The following PARP8 variants were observed in gnomAD, a reference collection of about 807,000 sequenced individuals.
PARP8 encodes protein mono-ADP-ribosyltransferase PARP8.
PARP8 carries 51 observed loss-of-function variants against 124.1 expected under a neutral mutation model. The observed-to-expected ratio is 0.41, with a 90% CI of 0.33 to 0.52. The LOEUF is 0.52. PARP8 is among the 20% of genes least tolerant of loss of function. PARP8 has a pLI of 0.21. For synonymous variants in PARP8, 391 were observed against 361.5 expected, an observed-to-expected ratio of 1.08 and a Z score of -0.93; for missense variants, 860 against 1,018.9, an observed-to-expected ratio of 0.84 and a Z score of 2.12.
intron 15 of PARP8, among the ~76,000 whole-genome samples, chr5:50,818,148 C>T (rs1745311430): frequency 6.7e-6 from 1 of 149,984 alleles, no homozygotes; most frequent in South Asian, 2.1e-4. Context: ...AATTTTAAAT[C>T]GTTGGGAGTG....
chr5:50,744,475 G>A (rs558451621), intron 2 of PARP8, among the ~76,000 whole-genome samples: 233 of 152,296 alleles, frequency 1.5e-3, no homozygotes, highest in African/African-American at 5.4e-3. Context: ...ATTGGGAGAT[G>A]TCTTTGGTTG....
chr5:50,705,678 G>A (rs1386882887), intron 2 of PARP8, among the ~76,000 whole-genome samples: 1 of 151,956 alleles, frequency 6.6e-6, no homozygotes, highest in Non-Finnish European at 1.5e-5. Flanking sequence ...CCAGCTACTC[G>A]GGAGGCTGAG....
In PARP8 at chr5:50,845,158, A is replaced by G. The variant is rs1748521745; in HGVS notation, c.*3090A>G. 1 of 151,702 alleles carries G rather than the reference A, an allele frequency of 6.6e-6. No individual in the cohort carries two copies. The highest frequency in any genetic ancestry group is 6.6e-5 in the Admixed American group (1 of 15,192). The allele number at this position is 151,702 out of a possible 1,614,324, so 9.4% of individuals were successfully genotyped here. A position where few individuals can be genotyped will look rare whatever the true frequency, so the allele number is the denominator to read the frequency against. On this transcript the variant is annotated 3_prime_UTR_variant, in exon 26 of 26. Transcript: ENST00000281631. ...TCCTTCATTTTTCTCCCCTTTGCTAAAAGAAAGAAAATCTATAATATGTAA... is the reference window on the plus strand; with the variant it reads ...TCCTTCATTTTTCTCCCCTTTGCTAGAAGAAAGAAAATCTATAATATGTAA...
rs1195286004 is a variant in PARP8 at position 50,824,986 on chromosome 5, C to T, written c.1928+11C>T. On this transcript the variant is annotated intron_variant, in intron 18 of 25. Transcript: ENST00000281631. ...TCCCTTACTGCAATGGTATAAAATT[C>T]TAGTTTTCCTCTTAATGAAAACAGC... 1 of 1,599,532 alleles carries T rather than the reference C, an allele frequency of 6.3e-7. No homozygotes were observed. The highest frequency in any genetic ancestry group is 8.6e-7 in the Non-Finnish European group (1 of 1,168,568).
Position 50,794,977 on chromosome 5 carries a change from G to A in PARP8, c.988G>A (p.Asp330Asn), listed in dbSNP as rs766646570. 4.3e-6 allele frequency: 7 copies of A among 1,614,194 alleles called. No homozygotes were observed. Among genetic ancestry groups the A allele is most frequent in the Non-Finnish European group, 4.2e-6 (5 of 1,180,026 alleles). Reference protein sequence around the residue: ...RTCSSTVKTDDVCVTKSHRTF... With the variant: ...RTCSSTVKTDNVCVTKSHRTF... ...TTGTTCCAGCACAGTCAAGACTGAT[G>A]ATGTGTGTGTCACAAAGTCACACAG... Residue 330 changes from aspartate (D) to asparagine (N), a missense_variant, in exon 12 of 26, where the codon GAT becomes AAT. Coordinates refer to ENST00000281631, the MANE Select transcript of PARP8 (RefSeq NM_024615.4).
chr5:50,788,805 A>G (rs1283269607), intron 10 of PARP8, among the ~76,000 whole-genome samples: 3 of 152,144 alleles, frequency 2.0e-5, no homozygotes, highest in Non-Finnish European at 2.9e-5. Context: ...TTGCTATCCA[A>G]GATCCACTCT....
chr5:50,772,071 A>G (rs1332752928), intron 7 of PARP8, among the ~76,000 whole-genome samples: 1 of 152,114 alleles, frequency 6.6e-6, no homozygotes, highest in East Asian at 1.9e-4. Flanking sequence ...AGCTTTTTTT[A>G]GATTCTGCAA....
intron 9 of PARP8, among the ~76,000 whole-genome samples, chr5:50,783,539 A>G (rs75855031): frequency 0.044 from 6,657 of 152,232 alleles, 464 homozygotes; most frequent in African/African-American, 0.15. Flanking sequence ...CTGTTGCTCT[A>G]TGTACACTAA....
Position 50,667,157 on chromosome 5 carries a change from C to G in PARP8, c.62C>G (p.Ser21Cys). Reference sequence around the variant, plus strand: ...GATATCGACGTCGTGATCCAGAAGTCCAGAGCTGAGAAGGACTGCCTGTTT... The same window carrying G: ...GATATCGACGTCGTGATCCAGAAGTGCAGAGCTGAGAAGGACTGCCTGTTT... ...QKDIDVVIQKSRAEKDCLFAD... is the reference protein window; with the variant it reads ...QKDIDVVIQKCRAEKDCLFAD... The change falls in exon 1 of 26, where the codon TCC (serine) becomes TGC (cysteine). Residue 21 changes from serine to cysteine, a missense_variant. This residue lies in a region of PARP8 where 517 missense variants were observed against 544.2 expected (regional missense o/e 0.95). Coordinates refer to ENST00000281631, the MANE Select transcript of PARP8 (RefSeq NM_024615.4). The G allele has an allele frequency of 1.3e-6, 2 of 1,596,378 alleles. No individual in the cohort carries two copies. Among genetic ancestry groups the G allele is most frequent in the East Asian group, 2.2e-5 (1 of 44,862 alleles).
At chr5:50,819,621 A>T (rs1005099510) in intron 15 of PARP8, among the ~76,000 whole-genome samples, 8 of 151,382 alleles carry the variant, frequency 5.3e-5, no homozygotes, top group Non-Finnish European at 1.0e-4. Context: ...TTGTATTTTT[A>T]GTAGAGACGG....
intron 25 of PARP8, among the ~76,000 whole-genome samples, chr5:50,839,110 G>A (rs913933650): frequency 2.0e-5 from 3 of 151,896 alleles, no homozygotes; most frequent in Admixed American, 6.6e-5. Context: ...TTTTATTTAT[G>A]AAATGTTCTT....
At chr5:50,700,508 A>G (rs866149649) in intron 2 of PARP8, among the ~76,000 whole-genome samples, 1 of 152,224 alleles carries the variant, frequency 6.6e-6, no homozygotes, top group African/African-American at 2.4e-5. Context: ...TATATTATCA[A>G]TATAATGAAA....
chr5:50,768,902 G>A (rs1761316232), intron 7 of PARP8, among the ~76,000 whole-genome samples: 3 of 152,056 alleles, frequency 2.0e-5, no homozygotes, highest in African/African-American at 4.8e-5. Context: ...TATACACAGC[G>A]TCATTTGTGA....
At chr5:50,753,981 A>T (rs2149559979) in intron 3 of PARP8, among the ~76,000 whole-genome samples, 1 of 150,786 alleles carries the variant, frequency 6.6e-6, no homozygotes, top group East Asian at 2.0e-4. Context: ...AACAGCCTTA[A>T]CAAAGATCTG....
chr5:50,668,286 G>C (rs1343369556), intron 2 of PARP8, 161 bp downstream of exon 2: 7 of 661,196 alleles, frequency 1.1e-5, no homozygotes, highest in East Asian at 8.0e-5. Flanking sequence ...GTTTTAAATA[G>C]CAGGAGGAGG....
intron 2 of PARP8, among the ~76,000 whole-genome samples, chr5:50,726,583 T>A (rs1256516056): frequency 4.6e-5 from 7 of 152,162 alleles, no homozygotes; most frequent in Non-Finnish European, 1.0e-4. Context: ...TTAACAAAGT[T>A]GTCTTGAGCA....
chr5:50,714,172 A>G, intron 2 of PARP8, among the ~76,000 whole-genome samples: 1 of 150,344 alleles, frequency 6.7e-6, no homozygotes, highest in East Asian at 2.0e-4. Flanking sequence ...TGCCTAACCC[A>G]TGTTGGGAAG....
chr5:50,786,242 G>C (rs1741230337), intron 9 of PARP8, among the ~76,000 whole-genome samples: 3 of 151,782 alleles, frequency 2.0e-5, no homozygotes, highest in Admixed American at 6.6e-5. Context: ...CTCAAACACT[G>C]CTCTTGTCAA....
At chr5:50,765,939 A>G (rs937222538) in intron 7 of PARP8, among the ~76,000 whole-genome samples, 12 of 152,216 alleles carry the variant, frequency 7.9e-5, no homozygotes, top group Admixed American at 7.9e-4. Context: ...ATGAAGTTTG[A>G]AGAGCAAAAG....
Sources: allele counts gnomAD v4.1 joint callset (sites outside exome capture counted in the v4.1 genomes callset), GRCh38; gene constraint gnomAD v4.1.1; regional missense constraint gnomAD v4.1.1; transcripts MANE v1.5; gene names NCBI Gene and HGNC (gene_info 2026-07-23, HGNC 2026-07-21).